Variants in CALN1 observed in about 807,000 individuals in gnomAD.
CALN1 encodes the protein calneuron 1, also known as calcium-binding protein 8.
In CALN1, 17 loss-of-function variants were observed where a neutral mutation model predicts 30.6. The ratio of observed to expected loss-of-function variants is 0.56; its 90% CI spans 0.38 to 0.83. The LOEUF (loss-of-function observed/expected upper bound fraction) is 0.83, where lower values mean the gene tolerates loss of function less well. Among genes scored for constraint, CALN1 ranks in the 40% least tolerant of loss-of-function variants. The pLI, the probability that CALN1 is intolerant of heterozygous loss-of-function variation, is 0.00. For synonymous variants in CALN1, 156 were observed against 131.4 expected, an observed-to-expected ratio of 1.19 and a Z score of -1.28; for missense variants, 291 against 354.9, an observed-to-expected ratio of 0.82 and a Z score of 1.45.
At chr7:72,335,698 G>C (rs1801976020) in intron 2 of CALN1, among the ~76,000 whole-genome samples, 1 of 152,226 alleles carries the variant, frequency 6.6e-6, no homozygotes, top group African/African-American at 2.4e-5. Flanking sequence ...GACCCAAATG[G>C]AAGAAAGGCG....
intron 1 of CALN1, among the ~76,000 whole-genome samples, chr7:72,406,125 C>T (rs961458017): frequency 2.6e-5 from 4 of 152,170 alleles, no homozygotes; most frequent in Non-Finnish European, 5.9e-5. Flanking sequence ...CCAGGGGACC[C>T]AAAATGGAGC....
At chr7:71,816,718 G>A (rs894054040) in intron 5 of CALN1, among the ~76,000 whole-genome samples, 1 of 152,124 alleles carries the variant, frequency 6.6e-6, no homozygotes, top group Non-Finnish European at 1.5e-5. Flanking sequence ...GGGAGGCTGA[G>A]GTGGGCAGAT....
At chr7:72,186,732 G>A (rs1790217712) in intron 3 of CALN1, among the ~76,000 whole-genome samples, 1 of 152,080 alleles carries the variant, frequency 6.6e-6, no homozygotes, top group African/African-American at 2.4e-5. Context: ...TGGCTGCGAA[G>A]GACATGATTT....
At chr7:72,212,295 A>G (rs373799276) in intron 3 of CALN1, among the ~76,000 whole-genome samples, 17 of 148,110 alleles carry the variant, frequency 1.1e-4, no homozygotes, top group East Asian at 6.2e-4. Context: ...GACTGCAGTG[A>G]GCGGAGACTG....
intron 5 of CALN1, among the ~76,000 whole-genome samples, chr7:71,863,181 C>T (rs1272739016): frequency 1.3e-5 from 2 of 152,088 alleles, no homozygotes; most frequent in East Asian, 1.9e-4. Flanking sequence ...ATTGCTTGGG[C>T]CTGGGAGATG....
chr7:71,805,314 G>C (rs1385012963), intron 6 of CALN1, among the ~76,000 whole-genome samples: 1 of 152,186 alleles, frequency 6.6e-6, no homozygotes, highest in Non-Finnish European at 1.5e-5. Context: ...ATGAGGGGTG[G>C]GTTAGCAAGA....
In CALN1 at chr7:71,808,231, GTTAA is replaced by G. The variant is rs534167092; in HGVS notation, c.658+2101_658+2104del. 2.0e-3 allele frequency among the ~76,000 whole-genome samples: 296 copies of G among 148,872 alleles called. 2 individuals carry two copies. Among genetic ancestry groups the G allele is most frequent in the African/African-American group, 5.2e-3 (208 of 40,342 alleles). On this transcript the variant is annotated intron_variant, in intron 6 of 6. Transcript: ENST00000395275. ...TATGGTGATAATTATTACCATAATGGTTAATTAATGTTAAGCCACTTAGTGCAGT... is the reference window on the plus strand; with the variant it reads ...TATGGTGATAATTATTACCATAATGGTTAATGTTAAGCCACTTAGTGCAGT...
At chr7:72,125,604 G>A (rs1386176851) in intron 3 of CALN1, among the ~76,000 whole-genome samples, 1 of 152,136 alleles carries the variant, frequency 6.6e-6, no homozygotes, top group Non-Finnish European at 1.5e-5. Flanking sequence ...AGGTTACAGT[G>A]TTTTAAAATT....
At chr7:72,023,430 A>C (rs1800821734) in intron 5 of CALN1, among the ~76,000 whole-genome samples, 2 of 151,934 alleles carry the variant, frequency 1.3e-5, no homozygotes. Flanking sequence ...GAATAATTTC[A>C]TTTTTCCCTA....
At position 72,203,979 on chromosome 7, in the gene CALN1, C is replaced by CTTTTTTTTTTTTT. The variant is rs869149598; in HGVS notation, c.244+74694_244+74706dup. ...TAGCCTTCATATAAGAGGCCTCTCTCTTTTTTTTTTTTTTTTTTTTTTTTT... is the reference window on the plus strand; with the variant it reads ...TAGCCTTCATATAAGAGGCCTCTCTCTTTTTTTTTTTTTTTTTTTTTTTTTTTTTTTTTTTTTT... On this transcript the variant is annotated intron_variant, in intron 3 of 6. Transcript: ENST00000395275. Among the ~76,000 whole-genome samples the CTTTTTTTTTTTTT allele has an allele frequency of 3.1e-4, 26 of 83,800 alleles. 4 individuals carry two copies. Among genetic ancestry groups the CTTTTTTTTTTTTT allele is most frequent in the African/African-American group, 1.3e-3 (25 of 19,124 alleles). 55.0% of individuals were successfully genotyped at this position (83,800 alleles called of 152,430 possible). A position where few individuals can be genotyped will look rare whatever the true frequency, so the allele number is the denominator to read the frequency against.
At chr7:71,807,632 A>G (rs984392018) in intron 6 of CALN1, among the ~76,000 whole-genome samples, 6 of 152,186 alleles carry the variant, frequency 3.9e-5, no homozygotes, top group Non-Finnish European at 7.4e-5. Flanking sequence ...AAATAAGATA[A>G]TGAATTTTAA....
intron 3 of CALN1, among the ~76,000 whole-genome samples, chr7:72,257,778 C>T (rs752289678): frequency 1.3e-5 from 2 of 152,164 alleles, no homozygotes; most frequent in Non-Finnish European, 2.9e-5. Context: ...CGGAATACTA[C>T]TCAGCCATAA....
chr7:72,069,763 C>T (rs1278030854), intron 4 of CALN1, among the ~76,000 whole-genome samples: 1 of 152,140 alleles, frequency 6.6e-6, no homozygotes, highest in Admixed American at 6.5e-5. Flanking sequence ...TTTGGGAGGC[C>T]ATTTTTCAGC....
At chr7:72,239,556 C>T (rs891319586) in intron 3 of CALN1, among the ~76,000 whole-genome samples, 24 of 152,038 alleles carry the variant, frequency 1.6e-4, no homozygotes, top group Admixed American at 1.0e-3. Flanking sequence ...TTAGTATATT[C>T]CTGTATTTAA....
intron 2 of CALN1, among the ~76,000 whole-genome samples, chr7:72,311,662 T>C (rs938671716): frequency 3.5e-5 from 5 of 141,020 alleles, no homozygotes; most frequent in Non-Finnish European, 6.1e-5. Flanking sequence ...TTTTTTTTTT[T>C]TTTTTTTTTT....
At chr7:71,940,765 C>A (rs1469591994) in intron 5 of CALN1, among the ~76,000 whole-genome samples, 1 of 152,076 alleles carries the variant, frequency 6.6e-6, no homozygotes, top group Non-Finnish European at 1.5e-5. Context: ...ACACAGACCA[C>A]CACGTCCAGA....
At chr7:71,927,899 G>A (rs1173005784) in intron 5 of CALN1, among the ~76,000 whole-genome samples, 1 of 152,126 alleles carries the variant, frequency 6.6e-6, no homozygotes, top group Non-Finnish European at 1.5e-5. Context: ...CCAGTGGTAG[G>A]AGATCTTTAA....
intron 5 of CALN1, among the ~76,000 whole-genome samples, chr7:71,898,682 A>C (rs1793682897): frequency 6.6e-6 from 1 of 152,172 alleles, no homozygotes; most frequent in Non-Finnish European, 1.5e-5. Flanking sequence ...CGTCATAGTA[A>C]AACTTGAAAA....
At chr7:72,162,343 A>G (rs1321339241) in intron 3 of CALN1, among the ~76,000 whole-genome samples, 2 of 152,120 alleles carry the variant, frequency 1.3e-5, no homozygotes, top group Non-Finnish European at 2.9e-5. Flanking sequence ...AATAAATTCT[A>G]AACAAAATAT....
Sources: allele counts gnomAD v4.1 joint callset (sites outside exome capture counted in the v4.1 genomes callset), GRCh38; gene constraint gnomAD v4.1.1; transcripts MANE v1.5; gene names NCBI Gene and HGNC (gene_info 2026-07-23, HGNC 2026-07-21).